The following RNF150 variants were observed in gnomAD, a reference collection of about 807,000 sequenced individuals.
The protein encoded by RNF150 is ring finger protein 150.
A neutral mutation model predicts 39.3 loss-of-function variants in RNF150; 24 were observed. That is an observed-to-expected ratio of 0.61 (90% CI 0.44 to 0.86). The LOEUF is 0.86. RNF150 is among the 40% of genes least tolerant of loss of function. RNF150 has a pLI of 0.00. For synonymous variants in RNF150, 255 were observed against 227.3 expected (o/e 1.12, Z -1.10); for missense variants, 502 against 587.8 (o/e 0.85, Z 1.51).
intron 6 of RNF150, among the ~76,000 whole-genome samples, chr4:140,901,769 T>C (rs1357304227): frequency 1.3e-5 from 2 of 152,158 alleles, no homozygotes; most frequent in Non-Finnish European, 2.9e-5. Context: ...TGAAAGTAGA[T>C]AATTGTAAAA....
At chr4:141,138,080 C>A (rs1338909382), upstream of RNF150, among the ~76,000 whole-genome samples, 1 of 152,192 alleles carries the variant, frequency 6.6e-6, no homozygotes, top group African/African-American at 2.4e-5. Flanking sequence ...TTAAGAAACT[C>A]TCAACCTTGA....
intron 1 of RNF150, among the ~76,000 whole-genome samples, chr4:141,093,410 AGC>A (rs1328545768): frequency 7.0e-4 from 104 of 148,466 alleles, no homozygotes; most frequent in African/African-American, 2.2e-3. Context: ...GTGAAGCTGA[AGC>A]CCCAGCAGGG....
At chr4:141,026,988 T>C (rs1265868174) in intron 1 of RNF150, among the ~76,000 whole-genome samples, 2 of 152,224 alleles carry the variant, frequency 1.3e-5, no homozygotes, top group African/African-American at 2.4e-5. Flanking sequence ...TGAGGTGTTA[T>C]GGCTGCCACT....
chr4:141,188,924 G>A (rs898267459), intron 1 of RNF150, among the ~76,000 whole-genome samples: 1 of 152,196 alleles, frequency 6.6e-6, no homozygotes, highest in African/African-American at 2.4e-5. Flanking sequence ...GCCCTTGCTG[G>A]CGAGGAGTTA....
At chr4:141,086,361 G>A (rs1200574030) in intron 1 of RNF150, among the ~76,000 whole-genome samples, 1 of 152,068 alleles carries the variant, frequency 6.6e-6, no homozygotes, top group Non-Finnish European at 1.5e-5. Context: ...TGTAGGTATA[G>A]CACAATCATG....
At chr4:141,140,589 T>C (rs932436415) in intron 1 of RNF150, among the ~76,000 whole-genome samples, 1 of 152,220 alleles carries the variant, frequency 6.6e-6, no homozygotes, top group Admixed American at 6.5e-5. Flanking sequence ...CTATCTGCTT[T>C]TCTTTTTCTG....
At chr4:141,125,830 G>A (rs1424749368) in intron 1 of RNF150, among the ~76,000 whole-genome samples, 1 of 152,132 alleles carries the variant, frequency 6.6e-6, no homozygotes, top group Non-Finnish European at 1.5e-5. Flanking sequence ...GCCACTAGGA[G>A]AGATGATGAT....
chr4:141,082,710 T>C (rs1410377690), intron 1 of RNF150, among the ~76,000 whole-genome samples: 1 of 151,050 alleles, frequency 6.6e-6, no homozygotes, highest in Non-Finnish European at 1.5e-5. Context: ...TGCCTCAGCC[T>C]CCCGAGTAGC....
chr4:140,881,837 TG>T (rs1560946221), intron 6 of RNF150, among the ~76,000 whole-genome samples: 1 of 152,090 alleles, frequency 6.6e-6, no homozygotes, highest in Admixed American at 6.5e-5. Context: ...GCTATGATCA[TG>T]TCACTGCATT....
intron 1 of RNF150, among the ~76,000 whole-genome samples, chr4:141,114,819 G>A (rs1419644535): frequency 6.6e-6 from 1 of 152,112 alleles, no homozygotes. Flanking sequence ...TTCATCCCTG[G>A]GATGCAAGGC....
intron 1 of RNF150, among the ~76,000 whole-genome samples, chr4:141,049,880 G>T (rs891881315): frequency 2.0e-5 from 3 of 151,932 alleles, no homozygotes; most frequent in African/African-American, 7.2e-5. Flanking sequence ...CCACTAAAAA[G>T]ATAAATGTGA....
intron 1 of RNF150, among the ~76,000 whole-genome samples, chr4:141,080,955 A>G (rs1322026538): frequency 6.6e-6 from 1 of 152,178 alleles, no homozygotes; most frequent in African/African-American, 2.4e-5. Context: ...ACCTGCAGGT[A>G]CGGCTCTGGG....
chr4:141,105,156 A>G (rs2321861), intron 1 of RNF150, among the ~76,000 whole-genome samples: 1 of 152,192 alleles, frequency 6.6e-6, no homozygotes, highest in Non-Finnish European at 1.5e-5. Flanking sequence ...TTAACAATGA[A>G]AGTACCAAAT....
intron 1 of RNF150, among the ~76,000 whole-genome samples, chr4:140,971,023 A>G (rs1283337904): frequency 1.3e-5 from 2 of 152,128 alleles, no homozygotes; most frequent in Non-Finnish European, 2.9e-5. Context: ...GTGTCCAAAA[A>G]AAGATATAAA....
chr4:141,006,830 G>A (rs1286605910), intron 1 of RNF150, among the ~76,000 whole-genome samples: 1 of 152,124 alleles, frequency 6.6e-6, no homozygotes, highest in Non-Finnish European at 1.5e-5. Flanking sequence ...AATTGTATTT[G>A]AGAGCACCAA....
chr4:141,138,341 C>A (rs1464868574), upstream of RNF150, among the ~76,000 whole-genome samples: 1 of 151,870 alleles, frequency 6.6e-6, no homozygotes, highest in Non-Finnish European at 1.5e-5. Flanking sequence ...TTTTTTGATG[C>A]CTGTTTAATT....
intron 1 of RNF150, among the ~76,000 whole-genome samples, chr4:141,105,775 G>C (rs780275868): frequency 2.6e-5 from 4 of 151,990 alleles, no homozygotes; most frequent in Non-Finnish European, 5.9e-5. Flanking sequence ...TTAAACATCA[G>C]TTTCTAGAAA....
chr4:140,871,718 C>G (rs1256715475), intron 6 of RNF150, among the ~76,000 whole-genome samples: 3 of 152,210 alleles, frequency 2.0e-5, no homozygotes, highest in Non-Finnish European at 4.4e-5. Flanking sequence ...CCTACAGTGA[C>G]AGCTTCTCAA....
intron 1 of RNF150, among the ~76,000 whole-genome samples, chr4:141,026,173 T>C (rs1735689303): frequency 6.6e-6 from 1 of 152,160 alleles, no homozygotes; most frequent in Non-Finnish European, 1.5e-5. Flanking sequence ...TTTATGTGTC[T>C]ATGTAAACAA....
Sources: allele counts gnomAD v4.1 joint callset (sites outside exome capture counted in the v4.1 genomes callset), GRCh38; gene constraint gnomAD v4.1.1; transcripts MANE v1.5; gene names NCBI Gene and HGNC (gene_info 2026-07-23, HGNC 2026-07-21).